Variants in SUSD5 observed in about 807,000 individuals in gnomAD.
SUSD5 encodes sushi domain containing 5.
A neutral mutation model predicts 29.5 loss-of-function variants in SUSD5; 33 were observed. The observed-to-expected ratio is 1.12, with a 90% CI of 0.85 to 1.49. The LOEUF is 1.49. Among genes scored for constraint, SUSD5 ranks in the 40% most tolerant of loss-of-function variants. The pLI, the probability that SUSD5 is intolerant of heterozygous loss-of-function variation, is 0.00. For synonymous variants in SUSD5, 308 were observed against 325.3 expected, an observed-to-expected ratio of 0.95 and a Z score of 0.57; for missense variants, 776 against 800.6, an observed-to-expected ratio of 0.97 and a Z score of 0.37.
At chr3:33,187,828 G>A (rs1421674353) in intron 3 of SUSD5, among the ~76,000 whole-genome samples, 3 of 100,404 alleles carry the variant, frequency 3.0e-5, no homozygotes, top group South Asian at 3.5e-4. Context: ...AACAGGCCCC[G>A]GTGTGTGATG....
intron 3 of SUSD5, among the ~76,000 whole-genome samples, chr3:33,187,317 T>C (rs1215550657): frequency 1.3e-5 from 2 of 152,178 alleles, no homozygotes; most frequent in East Asian, 1.9e-4. Flanking sequence ...TTCAAAACGA[T>C]ATGGGCTAGA....
At chr3:33,192,227 C>T (rs547010883) in intron 3 of SUSD5, among the ~76,000 whole-genome samples, 3 of 150,246 alleles carry the variant, frequency 2.0e-5, no homozygotes, top group East Asian at 2.0e-4. Context: ...GCATGCGCCA[C>T]CACATCCAGC....
At chr3:33,191,554 A>G (rs972964310) in intron 3 of SUSD5, among the ~76,000 whole-genome samples, 2 of 152,190 alleles carry the variant, frequency 1.3e-5, no homozygotes, top group Admixed American at 1.3e-4. Flanking sequence ...TATCCTTAGA[A>G]TAAAATACTC....
intron 3 of SUSD5, among the ~76,000 whole-genome samples, chr3:33,182,810 G>A (rs1040731930): frequency 2.6e-5 from 4 of 151,890 alleles, no homozygotes; most frequent in Non-Finnish European, 4.4e-5. Context: ...TTTTTGAGAC[G>A]GAGTCTTGCT....
At chr3:33,161,324 T>G (rs2125615455) in intron 4 of SUSD5, among the ~76,000 whole-genome samples, 1 of 152,284 alleles carries the variant, frequency 6.6e-6, no homozygotes, top group African/African-American at 2.4e-5. Context: ...AACTTCTATA[T>G]GTCAAGGGTG....
intron 3 of SUSD5, among the ~76,000 whole-genome samples, chr3:33,196,386 G>C (rs2031996683): frequency 6.6e-6 from 1 of 152,202 alleles, no homozygotes; most frequent in South Asian, 2.1e-4. Context: ...ATGGATTCTT[G>C]GGGTTGGGCT....
intron 3 of SUSD5, among the ~76,000 whole-genome samples, chr3:33,191,638 GTGTT>G (rs1429600306): frequency 1.3e-5 from 2 of 151,914 alleles, no homozygotes; most frequent in Non-Finnish European, 2.9e-5. Context: ...TTGAATATGA[GTGTT>G]TAAGAATTTA....
chr3:33,175,987 C>T (rs1183368872), intron 3 of SUSD5, among the ~76,000 whole-genome samples: 2 of 152,244 alleles, frequency 1.3e-5, no homozygotes, highest in East Asian at 1.9e-4. Context: ...CCAAAGTCCT[C>T]TGTGCTCTGC....
At chr3:33,177,251 T>C (rs2031571731) in intron 3 of SUSD5, among the ~76,000 whole-genome samples, 1 of 152,242 alleles carries the variant, frequency 6.6e-6, no homozygotes, top group Admixed American at 6.5e-5. Flanking sequence ...AATGGGTTAA[T>C]ATCCGTAAAA....
At position 33,153,093 on chromosome 3, in the gene SUSD5, C is replaced by A. The variant is rs369186132; in HGVS notation, c.1539G>T (p.Thr513=). Residue 513 remains threonine, a synonymous_variant, in exon 5 of 5, where the codon ACG becomes ACT. Transcript: ENST00000309558. Reference sequence around the variant, plus strand: ...CTGGAGGCTGGGTGGTTGCCATGATCGTTGAGGGGATGTGGTTAGGTGTCT... The same window carrying A: ...CTGGAGGCTGGGTGGTTGCCATGATAGTTGAGGGGATGTGGTTAGGTGTCT... The part of the protein sequence containing the change: ...VKQTPNHIPS[T]IMATTQPPVE... The A allele has an allele frequency of 6.2e-7, 1 of 1,613,798 alleles. No homozygotes were observed. The highest frequency in any genetic ancestry group is 1.1e-5 in the South Asian group (1 of 91,062).
At chr3:33,178,603 C>T (rs1419571077) in intron 3 of SUSD5, among the ~76,000 whole-genome samples, 1 of 152,008 alleles carries the variant, frequency 6.6e-6, no homozygotes. Flanking sequence ...CCCACCACCA[C>T]GCCCGGCTAA....
At chr3:33,205,839 G>C (rs1182722697) in intron 3 of SUSD5, among the ~76,000 whole-genome samples, 1 of 152,174 alleles carries the variant, frequency 6.6e-6, no homozygotes, top group Non-Finnish European at 1.5e-5. Context: ...CAACCAAATT[G>C]GTGGTTTGCA....
chr3:33,186,896 C>G (rs1426417690), intron 3 of SUSD5, among the ~76,000 whole-genome samples: 1 of 152,152 alleles, frequency 6.6e-6, no homozygotes, highest in African/African-American at 2.4e-5. Context: ...GCTTATTTCA[C>G]CTATATGGCA....
At chr3:33,192,787 A>G (rs752012662) in intron 3 of SUSD5, among the ~76,000 whole-genome samples, 9 of 151,170 alleles carry the variant, frequency 6.0e-5, no homozygotes, top group Non-Finnish European at 1.3e-4. Context: ...AATGCACTCC[A>G]GCCTGGGTGA....
chr3:33,171,060 G>A (rs1056102495), intron 4 of SUSD5, among the ~76,000 whole-genome samples: 1 of 152,130 alleles, frequency 6.6e-6, no homozygotes, highest in Non-Finnish European at 1.5e-5. Context: ...GGGTACTATG[G>A]GCCGGGTGCA....
intron 1 of SUSD5, 81 bp downstream of exon 1, chr3:33,218,605 G>A (rs2032467529): frequency 4.2e-6 from 5 of 1,180,822 alleles, no homozygotes; most frequent in East Asian, 6.4e-5. Flanking sequence ...GCCGGTCAGA[G>A]GGAGCAGCCC....
intron 3 of SUSD5, among the ~76,000 whole-genome samples, chr3:33,194,150 C>G (rs1243247533): frequency 1.3e-5 from 2 of 152,190 alleles, no homozygotes; most frequent in Non-Finnish European, 2.9e-5. Context: ...CAGGAACTGA[C>G]AGAGCAAGAG....
intron 1 of SUSD5, among the ~76,000 whole-genome samples, chr3:33,215,470 T>C (rs1020116030): frequency 2.0e-5 from 3 of 152,232 alleles, no homozygotes. Flanking sequence ...ATTTTATATA[T>C]GAAACACTTA....
intron 4 of SUSD5, among the ~76,000 whole-genome samples, chr3:33,173,774 T>C (rs1017214430): frequency 1.3e-5 from 2 of 152,154 alleles, no homozygotes; most frequent in East Asian, 3.9e-4. Context: ...GAAAAAGTCT[T>C]GGAGTGAGAG....
Sources: allele counts gnomAD v4.1 joint callset (sites outside exome capture counted in the v4.1 genomes callset), GRCh38; gene constraint gnomAD v4.1.1; transcripts MANE v1.5; gene names NCBI Gene and HGNC (gene_info 2026-07-23, HGNC 2026-07-21).